PCDHA3: variants seen among roughly 807,000 people sequenced by gnomAD.
PCDHA3 encodes protocadherin alpha-3.
Under a neutral mutation model 62.2 loss-of-function variants are expected in PCDHA3, and 41 were observed. That is an observed-to-expected ratio of 0.66 (90% CI 0.51 to 0.86). The LOEUF is 0.86. PCDHA3 is among the 40% of genes least tolerant of loss of function. PCDHA3 has a pLI of 0.00. For missense variants in PCDHA3, 1,304 were observed against 1,241.2 expected, an observed-to-expected ratio of 1.05 and a Z score of -0.76; for synonymous variants, 640 against 555.4, an observed-to-expected ratio of 1.15 and a Z score of -2.14.
At position 140,849,972 on chromosome 5, in the gene PCDHA3, T is replaced by C. The variant is rs2150460905; in HGVS notation, c.2394+46381T>C. On this transcript the variant is annotated intron_variant, in intron 1 of 3. Transcript: ENST00000522353. The stretch of plus-strand genomic sequence containing the variant: ...GCAGGAGAACGCCCTGGTGTCCTAC[T>C]CGCTGGTGGAGCGGCGGTTGGGCGA... 4 of 1,597,588 alleles carry C rather than the reference T, an allele frequency of 2.5e-6. 1 individual carries two copies. Among genetic ancestry groups the C allele is most frequent in the Non-Finnish European group, 3.4e-6 (4 of 1,167,892 alleles).
chr5:140,844,144 A>G (rs1289976032), intron 1 of PCDHA3, among the ~76,000 whole-genome samples: 1 of 149,504 alleles, frequency 6.7e-6, no homozygotes, highest in Non-Finnish European at 1.5e-5. Context: ...TGTTGTCTTT[A>G]TATTTACTTT....
chr5:140,999,132 T>C (rs1430473415), intron 3 of PCDHA3, among the ~76,000 whole-genome samples: 2 of 152,160 alleles, frequency 1.3e-5, no homozygotes, highest in Non-Finnish European at 2.9e-5. Flanking sequence ...CTGGAAAATG[T>C]CACAGCCGGA....
intron 1 of PCDHA3, among the ~76,000 whole-genome samples, chr5:140,943,341 G>T (rs1021651625): frequency 5.3e-5 from 8 of 151,780 alleles, no homozygotes; most frequent in African/African-American, 1.9e-4. Context: ...CATTGGACAG[G>T]ATGAGAGTAG....
At chr5:140,829,978 C>T (rs2150179032) in intron 1 of PCDHA3, 1 of 1,613,968 alleles carries the variant, frequency 6.2e-7, no homozygotes, top group South Asian at 1.1e-5. Context: ...TGTACACGGG[C>T]GAGATCAGCA....
At chr5:140,807,138 T>C in intron 1 of PCDHA3, 1 of 1,568,760 alleles carries the variant, frequency 6.4e-7, no homozygotes, top group Non-Finnish European at 8.6e-7. Flanking sequence ...AAGATTTCCC[T>C]TGACTTTGAG....
chr5:140,997,958 G>A (rs890356748), intron 3 of PCDHA3, among the ~76,000 whole-genome samples: 3 of 152,126 alleles, frequency 2.0e-5, no homozygotes, highest in Non-Finnish European at 2.9e-5. Context: ...TGGCATTCAC[G>A]TACCTGTGGT....
intron 1 of PCDHA3, among the ~76,000 whole-genome samples, chr5:140,886,497 T>A (rs2061000599): frequency 6.6e-6 from 1 of 152,160 alleles, no homozygotes; most frequent in Non-Finnish European, 1.5e-5. Context: ...TATATCTTTT[T>A]CCTTTTATGG....
At chr5:140,968,321 A>ACCTCCTATGT in intron 1 of PCDHA3, 1 of 1,613,834 alleles carries the variant, frequency 6.2e-7, no homozygotes, top group Non-Finnish European at 8.5e-7. Flanking sequence ...GCTGCCAGTC[A>ACCTCCTATGT]CCTCCTATGT....
At chr5:140,849,768 G>A (rs1306922979) in intron 1 of PCDHA3, 2 of 1,598,386 alleles carry the variant, frequency 1.3e-6, no homozygotes, top group African/African-American at 2.7e-5. Flanking sequence ...CGAGCTGGTG[G>A]TTACCGCGCG....
intron 1 of PCDHA3, chr5:140,857,412 C>A: frequency 1.3e-6 from 2 of 1,598,338 alleles, no homozygotes; most frequent in Non-Finnish European, 1.7e-6. Context: ...CCTGCGTTCG[C>A]GCAGTCCGAG....
intron 2 of PCDHA3, 118 bp downstream of exon 2, chr5:140,979,125 C>A (rs782380399): frequency 8.7e-5 from 128 of 1,479,726 alleles, no homozygotes; most frequent in Non-Finnish European, 1.0e-4. Flanking sequence ...GGTACTTTGC[C>A]AGGAAAATGC....
At chr5:140,876,742 G>C (rs1554168860) in intron 1 of PCDHA3, 3 of 1,614,274 alleles carry the variant, frequency 1.9e-6, no homozygotes, top group Admixed American at 3.3e-5. Context: ...CTATGAGCTG[G>C]TGGTGACTGC....
chr5:140,824,114 C>T (rs1218962389), intron 1 of PCDHA3: 1 of 1,613,950 alleles, frequency 6.2e-7, no homozygotes, highest in Non-Finnish European at 8.5e-7. Context: ...CAGGGTCCCA[C>T]CTCTACAGAC....
At chr5:140,908,142 A>G (rs1371459142) in intron 1 of PCDHA3, among the ~76,000 whole-genome samples, 1 of 152,158 alleles carries the variant, frequency 6.6e-6, no homozygotes, top group Non-Finnish European at 1.5e-5. Flanking sequence ...TCCTTCAGGT[A>G]TGTCCTAGGA....
intron 3 of PCDHA3, among the ~76,000 whole-genome samples, chr5:140,985,878 T>C (rs891027308): frequency 6.6e-6 from 1 of 151,706 alleles, no homozygotes; most frequent in Non-Finnish European, 1.5e-5. Flanking sequence ...TAGCTGGGAC[T>C]ACAGGCGCCC....
intron 1 of PCDHA3, among the ~76,000 whole-genome samples, chr5:140,900,300 A>G (rs1554189024): frequency 6.6e-6 from 1 of 151,644 alleles, no homozygotes; most frequent in Non-Finnish European, 1.5e-5. Flanking sequence ...GTTTTTTTAG[A>G]CAGTCTCACT....
chr5:141,006,356 C>T (rs1342790572), intron 3 of PCDHA3, among the ~76,000 whole-genome samples: 4 of 151,920 alleles, frequency 2.6e-5, no homozygotes, highest in South Asian at 2.1e-4. Flanking sequence ...GGACTATAGG[C>T]GCCCACCACC....
intron 1 of PCDHA3, chr5:140,810,414 A>G (rs782181134): frequency 3.9e-5 from 6 of 152,014 alleles, no homozygotes; most frequent in Admixed American, 3.9e-4. Flanking sequence ...ACACCAACCA[A>G]TTTTCCAAGA....
At chr5:140,825,993 T>TA (rs1348661187) in intron 1 of PCDHA3, 1 of 152,282 alleles carries the variant, frequency 6.6e-6, no homozygotes, top group East Asian at 1.9e-4. Context: ...TTATAGGTAG[T>TA]AAATAGTCCA....
Sources: gnomAD v4.1 joint callset for allele counts (sites outside exome capture counted in the v4.1 genomes callset) on GRCh38, gnomAD v4.1.1 for gene constraint, MANE v1.5 for transcripts, NCBI Gene and HGNC (gene_info 2026-07-23, HGNC 2026-07-21) for gene names.